Variants in IGF2BP3 observed in about 807,000 individuals in gnomAD.
The protein encoded by IGF2BP3 is insulin like growth factor 2 mRNA binding protein 3.
A neutral mutation model predicts 73.8 loss-of-function variants in IGF2BP3; 9 were observed. The ratio of observed to expected loss-of-function variants is 0.12; its 90% CI spans 0.07 to 0.21. The LOEUF (loss-of-function observed/expected upper bound fraction) is 0.21. Ranked by LOEUF, IGF2BP3 falls within the 10% of genes least tolerant of loss-of-function variation. The pLI is 1.00. For synonymous variants in IGF2BP3, 258 were observed against 256.7 expected (o/e 1.01, Z -0.05); for missense variants, 542 against 714.0 (o/e 0.76, Z 2.75).
At chr7:23,347,250 C>A (rs1784850950) in intron 7 of IGF2BP3, among the ~76,000 whole-genome samples, 1 of 152,142 alleles carries the variant, frequency 6.6e-6, no homozygotes, top group African/African-American at 2.4e-5. Context: ...AGGCAGTGGA[C>A]AAGAACAGAG....
chr7:23,407,934 A>C (rs1786889292), intron 3 of IGF2BP3, among the ~76,000 whole-genome samples: 1 of 49,304 alleles, frequency 2.0e-5, no homozygotes, highest in Non-Finnish European at 3.5e-5. Context: ...TTGGTTCAAC[A>C]TTTGTGGGGG....
intron 3 of IGF2BP3, among the ~76,000 whole-genome samples, chr7:23,366,202 A>G (rs980920486): frequency 2.0e-5 from 3 of 151,894 alleles, no homozygotes; most frequent in African/African-American, 7.3e-5. Flanking sequence ...CAATGGTGCA[A>G]TCTTGGCTCA....
chr7:23,419,779 G>C (rs1247429834), intron 2 of IGF2BP3, among the ~76,000 whole-genome samples: 2 of 152,200 alleles, frequency 1.3e-5, no homozygotes. Context: ...CTTGAACCTG[G>C]GAGGCGGAGG....
intron 10 of IGF2BP3, among the ~76,000 whole-genome samples, chr7:23,327,966 A>G (rs1354472110): frequency 6.6e-6 from 1 of 152,154 alleles, no homozygotes; most frequent in Non-Finnish European, 1.5e-5. Flanking sequence ...CAGACTTACC[A>G]GGAGGCCATT....
At chr7:23,367,488 A>G (rs73279799) in intron 3 of IGF2BP3, among the ~76,000 whole-genome samples, 2,652 of 151,784 alleles carry the variant, frequency 0.017, 73 homozygotes, top group African/African-American at 0.061. Context: ...TTTCCACTCT[A>G]TATTTCCAAC....
At chr7:23,443,256 G>A (rs1787979574) in intron 2 of IGF2BP3, among the ~76,000 whole-genome samples, 1 of 151,792 alleles carries the variant, frequency 6.6e-6, no homozygotes, top group African/African-American at 2.4e-5. Flanking sequence ...CTCCAGAGTA[G>A]CTGAGATTAC....
At chr7:23,409,396 C>T (rs1194767760) in intron 3 of IGF2BP3, among the ~76,000 whole-genome samples, 1 of 152,136 alleles carries the variant, frequency 6.6e-6, no homozygotes, top group Non-Finnish European at 1.5e-5. Context: ...TGTGTATAGA[C>T]TTGCTGGTTC....
At chr7:23,443,839 C>T (rs1406357327) in intron 2 of IGF2BP3, among the ~76,000 whole-genome samples, 5 of 151,812 alleles carry the variant, frequency 3.3e-5, no homozygotes, top group African/African-American at 4.8e-5. Context: ...GAAACCCCGT[C>T]TCTACTAAAA....
intron 3 of IGF2BP3, among the ~76,000 whole-genome samples, chr7:23,376,636 G>A (rs1280075538): frequency 6.6e-6 from 1 of 152,080 alleles, no homozygotes; most frequent in Non-Finnish European, 1.5e-5. Flanking sequence ...GAGGCCCGAG[G>A]CAGGCGGATC....
intron 10 of IGF2BP3, among the ~76,000 whole-genome samples, chr7:23,320,405 A>C (rs1313927320): frequency 1.3e-5 from 2 of 152,060 alleles, no homozygotes; most frequent in Non-Finnish European, 2.9e-5. Context: ...AAGAGTTCAC[A>C]GTGACTGGGC....
intron 3 of IGF2BP3, among the ~76,000 whole-genome samples, chr7:23,393,254 A>T (rs1237954971): frequency 6.6e-6 from 1 of 152,218 alleles, no homozygotes; most frequent in Admixed American, 6.5e-5. Flanking sequence ...AACGTGGTTA[A>T]ATCAGACAAC....
chr7:23,421,382 A>ATATGTTGC (rs1787340514), intron 2 of IGF2BP3, among the ~76,000 whole-genome samples: 1 of 151,954 alleles, frequency 6.6e-6, no homozygotes, highest in Non-Finnish European at 1.5e-5. Flanking sequence ...CACAACTGTT[A>ATATGTTGC]TATGTTGCTT....
intron 3 of IGF2BP3, chr7:23,394,714 A>T (rs1023864789): frequency 2.0e-5 from 3 of 152,352 alleles, no homozygotes; most frequent in Non-Finnish European, 2.9e-5. Flanking sequence ...GCATATAAGC[A>T]AAGGTCCTGT....
intron 2 of IGF2BP3, among the ~76,000 whole-genome samples, chr7:23,456,939 C>G (rs1415202619): frequency 6.6e-6 from 1 of 152,094 alleles, no homozygotes; most frequent in Non-Finnish European, 1.5e-5. Context: ...GTCGCAGCTA[C>G]TCGGGAGGCT....
At chr7:23,348,262 A>G (rs1422795087) in intron 6 of IGF2BP3, among the ~76,000 whole-genome samples, 1 of 152,246 alleles carries the variant, frequency 6.6e-6, no homozygotes, top group Non-Finnish European at 1.5e-5. Flanking sequence ...ATAGGAATGG[A>G]ACCTGGACAG....
At chr7:23,432,072 G>A (rs1787697061) in intron 2 of IGF2BP3, among the ~76,000 whole-genome samples, 1 of 152,058 alleles carries the variant, frequency 6.6e-6, no homozygotes, top group Non-Finnish European at 1.5e-5. Flanking sequence ...ATTATCCCCA[G>A]CTCCCAGATC....
intron 3 of IGF2BP3, among the ~76,000 whole-genome samples, chr7:23,403,097 C>T (rs557955731): frequency 9.9e-5 from 15 of 152,246 alleles, no homozygotes; most frequent in Middle Eastern, 6.8e-3. Context: ...TTTATCTGAC[C>T]CTATAACCTG....
At chr7:23,376,793 G>A (rs1339537430) in intron 3 of IGF2BP3, among the ~76,000 whole-genome samples, 1 of 152,152 alleles carries the variant, frequency 6.6e-6, no homozygotes, top group African/African-American at 2.4e-5. Context: ...GCTTGGCCCA[G>A]AAGGCGGAGG....
Position 23,470,006 on chromosome 7 carries a change from C to T in IGF2BP3, c.105G>A (p.Val35=), listed in dbSNP as rs1221506798. 1 of 1,612,936 alleles carries T rather than the reference C, an allele frequency of 6.2e-7. No individual in the cohort carries two copies. The highest frequency in any genetic ancestry group is 1.7e-5 in the Admixed American group (1 of 60,010). ...AGTCCACGAACGCGTAGCCAGTCTT[C>T]ACCAGGAAGGGTCCCGACACCGGGA... ...AKIPVSGPFL[V]KTGYAFVDCP... Residue 35 remains valine, a synonymous_variant, in exon 1 of 15, where the codon GTG becomes GTA. Transcript: ENST00000258729.
Sources: gnomAD v4.1 joint callset for allele counts (sites outside exome capture counted in the v4.1 genomes callset) on GRCh38, gnomAD v4.1.1 for gene constraint, MANE v1.5 for transcripts, NCBI Gene and HGNC (gene_info 2026-07-23, HGNC 2026-07-21) for gene names.